EPHA6: variants seen among roughly 807,000 people sequenced by gnomAD.
The protein encoded by EPHA6 is EPH receptor A6.
A neutral mutation model predicts 112.0 loss-of-function variants in EPHA6; 50 were observed. The observed-to-expected ratio is 0.45, with a 90% CI of 0.36 to 0.56. The LOEUF is 0.56. Among genes scored for constraint, EPHA6 ranks in the 20% least tolerant of loss-of-function variants. The pLI, the probability that EPHA6 is intolerant of heterozygous loss-of-function variation, is 0.00. For missense variants in EPHA6, 1,280 were observed against 1,417.4 expected, an observed-to-expected ratio of 0.90 and a Z score of 1.56; for synonymous variants, 529 against 490.7, an observed-to-expected ratio of 1.08 and a Z score of -1.03.
intron 12 of EPHA6, among the ~76,000 whole-genome samples, chr3:97,597,657 A>G (rs1243988399): frequency 6.6e-6 from 1 of 152,240 alleles, no homozygotes; most frequent in African/African-American, 2.4e-5. Flanking sequence ...AAATGTCTTT[A>G]CAGTACACTA....
intron 3 of EPHA6, among the ~76,000 whole-genome samples, chr3:97,194,278 T>A (rs1310376354): frequency 6.6e-6 from 1 of 151,972 alleles, no homozygotes. Flanking sequence ...TCATTTTCAT[T>A]TTTTTTCAAG....
chr3:97,702,722 A>C (rs1296225123), intron 14 of EPHA6, among the ~76,000 whole-genome samples: 1 of 152,176 alleles, frequency 6.6e-6, no homozygotes, highest in African/African-American at 2.4e-5. Context: ...CATGTAGGTC[A>C]TTCTGGCTTC....
chr3:97,657,754 A>C (rs2094145603), intron 14 of EPHA6, among the ~76,000 whole-genome samples: 1 of 151,890 alleles, frequency 6.6e-6, no homozygotes, highest in Middle Eastern at 3.4e-3. Flanking sequence ...AAAAATGCAG[A>C]TTTCCAGTTT....
intron 5 of EPHA6, among the ~76,000 whole-genome samples, chr3:97,333,234 G>T (rs747152639): frequency 1.6e-4 from 24 of 151,896 alleles, no homozygotes; most frequent in Non-Finnish European, 3.2e-4. Context: ...AATTATATGT[G>T]GTACTGAGTT....
intron 1 of EPHA6, among the ~76,000 whole-genome samples, chr3:96,860,813 T>C (rs1464805969): frequency 1.3e-5 from 2 of 152,084 alleles, no homozygotes; most frequent in Non-Finnish European, 2.9e-5. Context: ...GTAAATAATA[T>C]AGGTCTCAAC....
At chr3:97,192,240 C>T (rs60639239) in intron 3 of EPHA6, among the ~76,000 whole-genome samples, 1 of 151,854 alleles carries the variant, frequency 6.6e-6, no homozygotes, top group Non-Finnish European at 1.5e-5. Flanking sequence ...AGGTTCAAGC[C>T]ACTCTGGTGC....
In EPHA6 at chr3:97,226,263, G is replaced by A; in HGVS notation, c.1115-1G>A. On this transcript the variant is annotated splice_acceptor_variant, in intron 3 of 17. Coordinates refer to ENST00000389672, the MANE Select transcript of EPHA6 (RefSeq NM_001080448.3). LOFTEE classifies it high-confidence loss of function. ...AAAAGTGTTTTTTTCTCTTTTTACA[G>A]CTTGCAGACCAGGATTCTATAAAGC... 6.3e-7 allele frequency: 1 copy of A among 1,590,634 alleles called. No homozygotes were observed. The highest frequency in any genetic ancestry group is 8.5e-7 in the Non-Finnish European group (1 of 1,170,782).
intron 10 of EPHA6, among the ~76,000 whole-genome samples, chr3:97,513,083 T>G (rs1211835088): frequency 6.6e-6 from 1 of 152,228 alleles, no homozygotes; most frequent in Non-Finnish European, 1.5e-5. Context: ...TTTACTAATG[T>G]TACATATTTT....
chr3:97,313,777 G>C (rs567326263), intron 5 of EPHA6, among the ~76,000 whole-genome samples: 4 of 151,436 alleles, frequency 2.6e-5, no homozygotes, highest in Non-Finnish European at 5.9e-5. Context: ...TTGACTATTA[G>C]CCCCTTAACA....
chr3:96,843,813 A>G (rs1309921423), intron 1 of EPHA6, among the ~76,000 whole-genome samples: 2 of 152,080 alleles, frequency 1.3e-5, no homozygotes, highest in Non-Finnish European at 2.9e-5. Context: ...ATGCCTTAAC[A>G]ATGACAATAG....
chr3:97,023,245 A>T (rs1477370088), intron 3 of EPHA6, among the ~76,000 whole-genome samples: 2 of 151,970 alleles, frequency 1.3e-5, no homozygotes, highest in South Asian at 2.1e-4. Flanking sequence ...CACCTGGCTA[A>T]TTTTTTTGTA....
chr3:97,032,319 G>C (rs1284214466), intron 3 of EPHA6, among the ~76,000 whole-genome samples: 1 of 151,972 alleles, frequency 6.6e-6, no homozygotes, highest in Non-Finnish European at 1.5e-5. Context: ...AAGAGGGGAG[G>C]GAAAGCATTA....
intron 5 of EPHA6, among the ~76,000 whole-genome samples, chr3:97,376,173 C>T (rs1193552085): frequency 6.6e-6 from 1 of 152,088 alleles, no homozygotes; most frequent in African/African-American, 2.4e-5. Flanking sequence ...GTAAGTTATA[C>T]TTCAATTAAA....
intron 6 of EPHA6, chr3:97,447,745 C>A (rs2090397199): frequency 9.9e-7 from 1 of 1,012,914 alleles, no homozygotes; most frequent in Non-Finnish European, 1.2e-6. Context: ...GGCAAGTTCA[C>A]TTCCATTTAG....
At chr3:97,128,486 A>G (rs993574784) in intron 3 of EPHA6, among the ~76,000 whole-genome samples, 1 of 151,808 alleles carries the variant, frequency 6.6e-6, no homozygotes, top group Non-Finnish European at 1.5e-5. Flanking sequence ...AGCATTCTAA[A>G]CTCTAGACAC....
intron 12 of EPHA6, among the ~76,000 whole-genome samples, chr3:97,595,921 T>A (rs1228856316): frequency 6.8e-6 from 1 of 147,844 alleles, no homozygotes; most frequent in African/African-American, 2.5e-5. Context: ...TTTTTTTTTT[T>A]TTGAGACGGA....
At chr3:97,731,754 G>C (rs981019781) in intron 15 of EPHA6, among the ~76,000 whole-genome samples, 1 of 151,944 alleles carries the variant, frequency 6.6e-6, no homozygotes, top group Non-Finnish European at 1.5e-5. Flanking sequence ...AACTCTCAAA[G>C]GTATATATGT....
chr3:97,725,253 G>A (rs533319751), intron 15 of EPHA6, among the ~76,000 whole-genome samples: 1 of 152,002 alleles, frequency 6.6e-6, no homozygotes, highest in African/African-American at 2.4e-5. Flanking sequence ...CCTTCTTTCT[G>A]TGCAAATTCG....
At chr3:97,564,733 A>C (rs1442680666) in intron 11 of EPHA6, among the ~76,000 whole-genome samples, 6 of 152,128 alleles carry the variant, frequency 3.9e-5, no homozygotes, top group Non-Finnish European at 7.4e-5. Flanking sequence ...GTTGGGTTTG[A>C]TACATATGGA....
Sources: gnomAD v4.1 joint callset for allele counts (sites outside exome capture counted in the v4.1 genomes callset) on GRCh38, gnomAD v4.1.1 for gene constraint, MANE v1.5 for transcripts, NCBI Gene and HGNC (gene_info 2026-07-23, HGNC 2026-07-21) for gene names.